Variants in TRHDE observed in about 807,000 individuals in gnomAD.
The protein encoded by TRHDE is thyrotropin-releasing hormone-degrading ectoenzyme.
In TRHDE, 72 loss-of-function variants were observed where a neutral mutation model predicts 125.7. The observed-to-expected ratio is 0.57, with a 90% confidence interval of 0.47 to 0.70. The LOEUF is 0.70. Among genes scored for constraint, TRHDE ranks in the 30% least tolerant of loss-of-function variants. The pLI is 0.00. For missense variants in TRHDE, 1,110 were observed against 1,327.1 expected, an observed-to-expected ratio of 0.84 and a Z score of 2.54; for synonymous variants, 509 against 509.1, an observed-to-expected ratio of 1.00 and a Z score of 0.00.
At chr12:72,151,085 A>G (rs1435153822) in intron 2 of TRHDE, among the ~76,000 whole-genome samples, 4 of 152,066 alleles carry the variant, frequency 2.6e-5, no homozygotes, top group Admixed American at 6.6e-5. Flanking sequence ...CTTAATGATC[A>G]CCATTCTAAC....
At chr12:72,224,267 C>A (rs1019318049) in intron 2 of TRHDE, among the ~76,000 whole-genome samples, 2 of 151,444 alleles carry the variant, frequency 1.3e-5, no homozygotes, top group Non-Finnish European at 1.5e-5. Flanking sequence ...ATGAAGGACC[C>A]CCCCCTAGGT....
At chr12:72,547,091 C>T (rs1216549654) in intron 7 of TRHDE, among the ~76,000 whole-genome samples, 2 of 151,440 alleles carry the variant, frequency 1.3e-5, no homozygotes, top group Admixed American at 6.6e-5. Flanking sequence ...CCGTCTGACA[C>T]ATTTGATCCA....
Position 72,402,702 on chromosome 12 carries a change from A to G in TRHDE, c.1315+24581A>G, listed in dbSNP as rs1470287009. 5.9e-5 allele frequency among the ~76,000 whole-genome samples: 9 copies of G among 152,188 alleles called. No individual in the cohort carries two copies. The East Asian group carries it at 1.7e-3, about 29-fold the overall frequency. On this transcript the variant is annotated intron_variant, in intron 3 of 18. Transcript: ENST00000261180. ...ATGTCAACTTCTTTCTGCAGACCACAATTACATACATAAAAATATCCCATT... is the reference window on the plus strand; with the variant it reads ...ATGTCAACTTCTTTCTGCAGACCACGATTACATACATAAAAATATCCCATT...
At chr12:72,498,011 G>A (rs1481594602) in intron 5 of TRHDE, among the ~76,000 whole-genome samples, 1 of 152,038 alleles carries the variant, frequency 6.6e-6, no homozygotes, top group Non-Finnish European at 1.5e-5. Context: ...TTATGGTCTG[G>A]AGAAGCCCTC....
intron 2 of TRHDE, chr12:72,254,979 T>C (rs1024694679): frequency 6.6e-6 from 1 of 152,276 alleles, no homozygotes; most frequent in African/African-American, 2.4e-5. Flanking sequence ...ACTGCTCTTT[T>C]TCCATTCACT....
intron 2 of TRHDE, among the ~76,000 whole-genome samples, chr12:72,303,863 G>C (rs1332602911): frequency 6.6e-6 from 1 of 152,138 alleles, no homozygotes; most frequent in Non-Finnish European, 1.5e-5. Flanking sequence ...AAGGATCTAG[G>C]GGAAGGGACA....
chr12:72,644,701 T>C (rs182411334), intron 15 of TRHDE, among the ~76,000 whole-genome samples: 231 of 152,128 alleles, frequency 1.5e-3, no homozygotes, highest in Middle Eastern at 3.4e-3. Flanking sequence ...ACAGAGCAAA[T>C]AGAGGGAAAA....
intron 12 of TRHDE, among the ~76,000 whole-genome samples, chr12:72,601,033 G>T (rs1000187575): frequency 2.0e-5 from 3 of 152,040 alleles, no homozygotes; most frequent in Non-Finnish European, 2.9e-5. Context: ...CACAGATAAT[G>T]ATTCGTTTGA....
intron 2 of TRHDE, among the ~76,000 whole-genome samples, chr12:72,119,919 T>C (rs1187020203): frequency 6.6e-6 from 1 of 152,200 alleles, no homozygotes; most frequent in South Asian, 2.1e-4. Context: ...TGTGTCTTTA[T>C]AGGTGAAGTA....
intron 2 of TRHDE, among the ~76,000 whole-genome samples, chr12:72,151,096 T>G (rs1369643041): frequency 6.6e-6 from 1 of 152,220 alleles, no homozygotes; most frequent in Non-Finnish European, 1.5e-5. Flanking sequence ...CCATTCTAAC[T>G]GGTGTGAGAT....
chr12:72,187,506 TGGA>T (rs948900502), intron 2 of TRHDE, among the ~76,000 whole-genome samples: 139 of 132,284 alleles, frequency 1.1e-3, no homozygotes, highest in South Asian at 2.3e-3. Context: ...GTGGTGGTGG[TGGA>T]GGAGGAGGAG....
chr12:72,221,561 G>A (rs11179114), intron 2 of TRHDE, among the ~76,000 whole-genome samples: 1 of 152,038 alleles, frequency 6.6e-6, no homozygotes, highest in African/African-American at 2.4e-5. Flanking sequence ...ATTTAAAATA[G>A]TGTAGAAAAG....
intron 2 of TRHDE, among the ~76,000 whole-genome samples, chr12:72,373,669 G>A (rs763658467): frequency 3.9e-5 from 6 of 152,214 alleles, no homozygotes; most frequent in Non-Finnish European, 8.8e-5. Context: ...TTTTCAGCAA[G>A]TGTGGGATTT....
chr12:72,652,506 T>C lies in TRHDE; in HGVS notation c.2843+17T>C, dbSNP rs1874547440. The stretch of plus-strand genomic sequence containing the variant: ...ATTAAACAGGTAGGCCGACTGATTT[T>C]CTAAATGTGTTTCTCTAATGAAAGT... On this transcript the variant is annotated intron_variant, in intron 16 of 18. Coordinates refer to ENST00000261180, the MANE Select transcript of TRHDE (RefSeq NM_013381.3). 1 of 1,561,634 alleles carries C rather than the reference T, an allele frequency of 6.4e-7. No homozygotes were observed. The highest frequency in any genetic ancestry group is 2.4e-5 in the East Asian group (1 of 42,442).
At chr12:72,519,443 T>G (rs1318992963) in intron 6 of TRHDE, among the ~76,000 whole-genome samples, 1 of 152,228 alleles carries the variant, frequency 6.6e-6, no homozygotes, top group African/African-American at 2.4e-5. Context: ...CATCGGCTCC[T>G]GAGGCTTCTG....
intron 2 of TRHDE, among the ~76,000 whole-genome samples, chr12:72,119,416 G>C (rs1586240): frequency 0.83 from 126,843 of 152,188 alleles, 53,037 homozygotes; most frequent in African/African-American, 0.87. Context: ...TATACTATTT[G>C]AATTTTTTGA....
intron 17 of TRHDE, among the ~76,000 whole-genome samples, chr12:72,655,432 G>A (rs1046761593): frequency 1.3e-5 from 2 of 151,938 alleles, no homozygotes; most frequent in Non-Finnish European, 2.9e-5. Flanking sequence ...GTCTTTTCAC[G>A]TCTCTTTTTC....
intron 2 of TRHDE, among the ~76,000 whole-genome samples, chr12:72,171,597 A>G (rs571793626): frequency 1.3e-5 from 2 of 152,222 alleles, no homozygotes; most frequent in East Asian, 1.9e-4. Context: ...GGGTGCGCCT[A>G]TATTTGTGTT....
At chr12:72,315,117 T>A (rs1470041646) in intron 2 of TRHDE, among the ~76,000 whole-genome samples, 1 of 152,206 alleles carries the variant, frequency 6.6e-6, no homozygotes, top group Non-Finnish European at 1.5e-5. Context: ...TAAAATAATA[T>A]TTTTTGTTCA....
Sources: allele counts gnomAD v4.1 joint callset (sites outside exome capture counted in the v4.1 genomes callset), GRCh38; gene constraint gnomAD v4.1.1; transcripts MANE v1.5; gene names NCBI Gene and HGNC (gene_info 2026-07-23, HGNC 2026-07-21).